The following KCNMA1 variants were observed in gnomAD, a reference collection of about 807,000 sequenced individuals.
KCNMA1 encodes the protein potassium calcium-activated channel subfamily M alpha 1, also known as Calcium-activated potassium channel subunit alpha-1.
A neutral mutation model predicts 140.0 loss-of-function variants in KCNMA1; 29 were observed. That is an observed-to-expected ratio of 0.21 (90% CI 0.15 to 0.28). The LOEUF is 0.28. Ranked by LOEUF, KCNMA1 falls within the 10% of genes least tolerant of loss-of-function variation. The pLI is 1.00. For synonymous variants in KCNMA1, 612 were observed against 611.9 expected (o/e 1.00, Z 0.00); for missense variants, 880 against 1,602.2 (o/e 0.55, Z 7.70).
At chr10:77,218,016 G>T (rs1055412990) in intron 3 of KCNMA1, among the ~76,000 whole-genome samples, 4 of 152,098 alleles carry the variant, frequency 2.6e-5, no homozygotes, top group African/African-American at 9.7e-5. Context: ...TAATGGGAGG[G>T]TTGAGAAGAT....
chr10:77,249,351 A>G (rs1418431741), intron 3 of KCNMA1: 3 of 152,222 alleles, frequency 2.0e-5, no homozygotes, highest in Non-Finnish European at 4.4e-5. Flanking sequence ...TCATCTTCTC[A>G]CACGGAAACA....
intron 1 of KCNMA1, among the ~76,000 whole-genome samples, chr10:77,492,416 G>T (rs955041676): frequency 6.6e-6 from 1 of 152,182 alleles, no homozygotes; most frequent in Non-Finnish European, 1.5e-5. Flanking sequence ...TTGGCCACCT[G>T]TGTACTTGTA....
At chr10:76,978,055 C>T (rs761515845) in intron 19 of KCNMA1, among the ~76,000 whole-genome samples, 2 of 152,184 alleles carry the variant, frequency 1.3e-5, no homozygotes, top group African/African-American at 4.8e-5. Flanking sequence ...CGTCAGCTGC[C>T]GCATAGATTT....
chr10:76,955,290 C>T (rs2153000928), intron 20 of KCNMA1, among the ~76,000 whole-genome samples: 1 of 151,548 alleles, frequency 6.6e-6, no homozygotes, highest in East Asian at 1.9e-4. Flanking sequence ...TCCGATACTT[C>T]CCACTTATAT....
chr10:77,382,988 GTGTGTGTATATATATATATATATA>G (rs1334201868), intron 2 of KCNMA1, among the ~76,000 whole-genome samples: 623 of 44,964 alleles, frequency 0.014, 15 homozygotes, highest in African/African-American at 0.081. Flanking sequence ...GTGTGTGTGT[GTGTGTGTATATATATATATATATA>G]TATATATATA....
chr10:76,995,577 G>A (rs150277724), intron 19 of KCNMA1: 261 of 471,008 alleles, frequency 5.5e-4, no homozygotes, highest in African/African-American at 4.6e-3. Flanking sequence ...GGCATCTGTC[G>A]CCTGAGATAG....
intron 1 of KCNMA1, among the ~76,000 whole-genome samples, chr10:77,462,394 T>C (rs1312371176): frequency 1.3e-5 from 2 of 150,596 alleles, no homozygotes; most frequent in Non-Finnish European, 2.9e-5. Context: ...TAAAAACACA[T>C]ATATTTACAA....
At chr10:77,313,976 T>G (rs909194635) in intron 2 of KCNMA1, 1 of 152,168 alleles carries the variant, frequency 6.6e-6, no homozygotes, top group Non-Finnish European at 1.5e-5. Flanking sequence ...ATCAGTTTCA[T>G]GAGTCCTGAC....
At chr10:77,120,910 C>T in intron 6 of KCNMA1, 63 bp downstream of exon 6, 1 of 876,422 alleles carries the variant, frequency 1.1e-6, no homozygotes, top group Non-Finnish European at 1.9e-6. Flanking sequence ...AGCAAGCACA[C>T]CTGATATTTG....
At chr10:77,169,956 C>T (rs776247774) in intron 5 of KCNMA1, among the ~76,000 whole-genome samples, 6 of 152,084 alleles carry the variant, frequency 3.9e-5, no homozygotes, top group African/African-American at 1.2e-4. Flanking sequence ...TTTGGGAGAC[C>T]GAGGTGGGCA....
intron 1 of KCNMA1, among the ~76,000 whole-genome samples, chr10:77,499,549 A>G (rs185864318): frequency 7.4e-4 from 113 of 152,262 alleles, no homozygotes; most frequent in African/African-American, 2.5e-3. Flanking sequence ...TATGAAAAAA[A>G]AAGAGAAAAA....
chr10:77,604,597 A>G (rs1307245563), intron 1 of KCNMA1, among the ~76,000 whole-genome samples: 3 of 151,814 alleles, frequency 2.0e-5, no homozygotes, highest in East Asian at 1.9e-4. Context: ...GTGTGCACCT[A>G]TGTCGCTTGA....
rs542210272 is a variant in KCNMA1, at chr10:77,102,240, G to A, written c.1223+6241C>T. On this transcript the variant is annotated intron_variant, in intron 9 of 27. Coordinates refer to ENST00000286628, the MANE Select transcript of KCNMA1 (RefSeq NM_001161352.2). ...GAGTCTTTGTAAATAAATGATCCAT[G>A]CTCTGGCACACTAGACAATTTAAAA... Among the ~76,000 whole-genome samples, 62 of 152,316 alleles carry A rather than the reference G, an allele frequency of 4.1e-4. No individual in the cohort carries two copies. The South Asian group carries it at 0.013, about 32-fold the overall frequency.
chr10:76,983,331 C>T (rs137985438), intron 19 of KCNMA1, among the ~76,000 whole-genome samples: 70 of 152,186 alleles, frequency 4.6e-4, no homozygotes, highest in African/African-American at 1.4e-3. Context: ...CAGCCCTTAG[C>T]GCAGTATGCC....
At chr10:76,956,397 C>A (rs2068306156) in intron 20 of KCNMA1, among the ~76,000 whole-genome samples, 1 of 152,092 alleles carries the variant, frequency 6.6e-6, no homozygotes, top group South Asian at 2.1e-4. Flanking sequence ...ACACTCTACT[C>A]CCCACACATC....
chr10:77,075,567 T>C (rs1182260535), intron 13 of KCNMA1, among the ~76,000 whole-genome samples: 1 of 152,192 alleles, frequency 6.6e-6, no homozygotes, highest in Non-Finnish European at 1.5e-5. Flanking sequence ...CATCCTTGGG[T>C]CCCCCATGGC....
rs117038242 is a variant in KCNMA1 at position 77,231,625 on chromosome 10, C to T, written c.602+19570G>A. On this transcript the variant is annotated intron_variant, in intron 3 of 27. Transcript: ENST00000286628. ...CTAAGAGTCACTCTTGATTCCTCTC[C>T]ATTTTCAACTAAACAGCTGCTCTGT... 5.5e-4 allele frequency among the ~76,000 whole-genome samples: 84 copies of T among 152,306 alleles called. 2 individuals carry two copies. The East Asian group carries it at 0.015, about 28-fold the overall frequency.
chr10:77,006,961 T>C (rs927850425), intron 18 of KCNMA1, among the ~76,000 whole-genome samples: 1 of 152,184 alleles, frequency 6.6e-6, no homozygotes, highest in Admixed American at 6.5e-5. Flanking sequence ...CAAACACTGA[T>C]GACTAACCAA....
intron 2 of KCNMA1, among the ~76,000 whole-genome samples, chr10:77,316,595 C>A (rs776362302): frequency 6.6e-6 from 1 of 152,138 alleles, no homozygotes; most frequent in Non-Finnish European, 1.5e-5. Flanking sequence ...AGGCACCCCA[C>A]TTTGAGAAGC....
Sources: gnomAD v4.1 joint callset for allele counts (sites outside exome capture counted in the v4.1 genomes callset) on GRCh38, gnomAD v4.1.1 for gene constraint, MANE v1.5 for transcripts, NCBI Gene and HGNC (gene_info 2026-07-23, HGNC 2026-07-21) for gene names.